The following SGSM2 variants were observed in gnomAD, a reference collection of about 807,000 sequenced individuals.
SGSM2 encodes small G protein signaling modulator 2.
In SGSM2, 89 loss-of-function variants were observed where a neutral mutation model predicts 126.6. The observed-to-expected ratio is 0.70, with a 90% CI of 0.59 to 0.84. SGSM2 has a LOEUF of 0.84. Among genes scored for constraint, SGSM2 ranks in the 40% least tolerant of loss-of-function variants. SGSM2 has a pLI of 0.00. For missense variants in SGSM2, 1,404 were observed against 1,416.6 expected, an observed-to-expected ratio of 0.99 and a Z score of 0.14; for synonymous variants, 614 against 574.3, an observed-to-expected ratio of 1.07 and a Z score of -0.99.
intron 2 of SGSM2, among the ~76,000 whole-genome samples, chr17:2,345,528 G>A (rs1045369023): frequency 8.6e-5 from 13 of 151,080 alleles, no homozygotes; most frequent in Admixed American, 7.3e-4. Context: ...CCCGGGAGGC[G>A]GAGCTTGCAG....
At position 2,375,502 on chromosome 17, in the gene SGSM2, CAG is replaced by C; in HGVS notation, c.2112_2113del (p.Val705GlyfsTer2). 1 of 1,608,650 alleles carries C rather than the reference CAG, an allele frequency of 6.2e-7. No individual in the cohort carries two copies. The highest frequency in any genetic ancestry group is 1.1e-5 in the South Asian group (1 of 90,692). On this transcript the variant is annotated frameshift_variant, in exon 18 of 24. Coordinates refer to ENST00000268989, the MANE Select transcript of SGSM2 (RefSeq NM_014853.3). LOFTEE classifies it high-confidence loss of function. Reference sequence around the variant, plus strand: ...GTGTTCACCCCCCAGGTGTTTATCTCAGTGGATGATCTGGAACCCCCGGAGCC... The same window carrying C: ...GTGTTCACCCCCCAGGTGTTTATCTCTGGATGATCTGGAACCCCCGGAGCC...
intron 2 of SGSM2, among the ~76,000 whole-genome samples, chr17:2,353,061 G>C (rs1268779001): frequency 6.6e-6 from 1 of 152,030 alleles, no homozygotes; most frequent in Non-Finnish European, 1.5e-5. Flanking sequence ...ACAGGCGTGA[G>C]CCACCGCGCC....
In SGSM2 at chr17:2,380,249, T is replaced by G. The variant is rs1567857674; in HGVS notation, c.*729T>G. On this transcript the variant is annotated 3_prime_UTR_variant, in exon 24 of 24. Transcript: ENST00000268989. Reference sequence around the variant, plus strand: ...CAGCCTCGCTCCTGCCACCCCACCCTTGCGTTCTGCATTAGGTACTTCCCT... The same window carrying G: ...CAGCCTCGCTCCTGCCACCCCACCCGTGCGTTCTGCATTAGGTACTTCCCT... 1 of 1,535,906 alleles carries G rather than the reference T, an allele frequency of 6.5e-7. No homozygotes were observed. Among genetic ancestry groups the G allele is most frequent in the Non-Finnish European group, 8.7e-7 (1 of 1,146,828 alleles).
chr17:2,352,803 A>C (rs1348144779), intron 2 of SGSM2, among the ~76,000 whole-genome samples: 1 of 85,752 alleles, frequency 1.2e-5, no homozygotes, highest in African/African-American at 5.0e-5. Flanking sequence ...TTTGAGACGG[A>C]GTCTCGCTCT....
chr17:2,365,918 G>GT (rs2065557916), intron 11 of SGSM2, among the ~76,000 whole-genome samples: 1 of 151,924 alleles, frequency 6.6e-6, no homozygotes, highest in South Asian at 2.1e-4. Flanking sequence ...GCTAATTTTT[G>GT]TATTTTTAGT....
Position 2,363,684 on chromosome 17 carries a change from T to G in SGSM2, c.807+85T>G. ...CCTCTAGCCATGGCTATTCCTTTCC[T>G]GAGGAGCTTGACCAGAGACGGGGGG... On this transcript the variant is annotated intron_variant, in intron 7 of 23. Coordinates refer to ENST00000268989, the MANE Select transcript of SGSM2 (RefSeq NM_014853.3). The surrounding 1 kb of genome is among the most constrained non-coding windows in gnomAD (Gnocchi z 4.2). The G allele has an allele frequency of 6.5e-7, 1 of 1,544,896 alleles. No individual in the cohort carries two copies. The highest frequency in any genetic ancestry group is 1.2e-5 in the South Asian group (1 of 83,134).
chr17:2,371,784 C>T (rs1032008336), intron 13 of SGSM2: 5 of 382,142 alleles, frequency 1.3e-5, no homozygotes, highest in Non-Finnish European at 2.4e-5. Context: ...GACAGGCCGT[C>T]CACCTGAGGA....
Position 2,367,311 on chromosome 17 carries a change from C to T in SGSM2, c.1329C>T (p.Ala443=), listed in dbSNP as rs752181681. 36 of 1,614,044 alleles carry T rather than the reference C, an allele frequency of 2.2e-5. No individual in the cohort carries two copies. Among genetic ancestry groups the T allele is most frequent in the Non-Finnish European group, 3.1e-5 (36 of 1,180,030 alleles). Residue 443 remains alanine, a synonymous_variant, in exon 12 of 24, where the codon GCC becomes GCT. Transcript: ENST00000268989. This position sits in a 1 kb window ranked among gnomAD's most constrained non-coding sequence, Gnocchi z 4.0. ...ACCACCTAGCGGCCAGCCGCGCGGC[C>T]TCGGTGGACGATGATGAGGAAGAGG... ...NYHHLAASRA[A]SVDDDEEEED... is the part of the protein sequence containing the mutation.
In SGSM2 at chr17:2,372,431, G is replaced by A. The variant is rs549394212; in HGVS notation, c.1731G>A (p.Pro577=). The change falls in exon 15 of 24, where the codon CCG becomes CCA. Residue 577 remains proline (P), a synonymous_variant. Transcript: ENST00000268989. The surrounding 1 kb of genome is among the most constrained non-coding windows in gnomAD (Gnocchi z 6.0). ...GCGTTATCCCACCTGACCGGCCCCC[G>A]GGGGCCTCCGCGGGCCTCACCAAGG... The part of the protein sequence containing the change: ...HHSVIPPDRP[P]GASAGLTKDV... 4.7e-5 allele frequency: 75 copies of A among 1,599,762 alleles called. No homozygotes were observed. The African/African-American group carries it at 5.8e-4, about 12-fold the overall frequency.
chr17:2,379,976 G>A lies in SGSM2; in HGVS notation c.*456G>A, dbSNP rs564757170. The A allele has an allele frequency of 3.5e-5, 48 of 1,373,450 alleles. No individual in the cohort carries two copies. The highest frequency in any genetic ancestry group is 1.3e-4 in the Admixed American group (4 of 30,660). The allele number at this position is 1,373,450 out of a possible 1,614,324, so 85.1% of individuals were successfully genotyped here. On this transcript the variant is annotated 3_prime_UTR_variant, in exon 24 of 24. Transcript: ENST00000268989. The stretch of plus-strand genomic sequence containing the variant: ...TCCCTTTGCAGTCCCAGTATATTGT[G>A]CGTGCACCAGCCCCAGCTGGAGCAA...
In SGSM2 at chr17:2,379,122, G is replaced by A. The variant is rs1324085372; in HGVS notation, c.2986G>A (p.Ala996Thr). 18 of 1,614,170 alleles carry A rather than the reference G, an allele frequency of 1.1e-5. No homozygotes were observed. The highest frequency in any genetic ancestry group is 1.4e-5 in the Non-Finnish European group (17 of 1,180,024). Reference sequence around the variant, plus strand: ...ATCGGAGCACTTTGTCCTGTTCATCGCCCTCGCCCTGGTGGAGGCCTACCG... The same window carrying A: ...ATCGGAGCACTTTGTCCTGTTCATCACCCTCGCCCTGGTGGAGGCCTACCG... ...ISSEHFVLFI[A>T]LALVEAYREI... Residue 996 changes from alanine to threonine, a missense_variant, in exon 23 of 24, where the codon GCC (alanine) becomes ACC (threonine). Ala to Thr is a moderately conservative substitution (Grantham distance 58, BLOSUM62 0). Transcript: ENST00000268989.
chr17:2,364,832 A>G (rs2151578004), intron 9 of SGSM2, 65 bp from the exon 10 acceptor site: 1 of 1,584,632 alleles, frequency 6.3e-7, no homozygotes, highest in Non-Finnish European at 8.6e-7. Context: ...GCCTGGGGGC[A>G]CTGGCCAGCA....
chr17:2,380,568 A>G lies in SGSM2; in HGVS notation c.*1048A>G. On this transcript the variant is annotated 3_prime_UTR_variant, in exon 24 of 24. Transcript: ENST00000268989. ...AGGATGCCAAGAGGCCTAGGAACCC[A>G]GAAACCCCCTTGGAGGAGCTGTGTA... The G allele has an allele frequency of 3.7e-6, 2 of 545,130 alleles. No individual in the cohort carries two copies. The highest frequency in any genetic ancestry group is 6.6e-6 in the Non-Finnish European group (2 of 302,668). The allele number at this position is 545,130 out of a possible 1,614,324, so 33.8% of individuals were successfully genotyped here. A position where few individuals can be genotyped will look rare whatever the true frequency, so the allele number is the denominator to read the frequency against.
chr17:2,375,680 C>T lies in SGSM2; in HGVS notation c.2289C>T (p.Gly763=), dbSNP rs1224199139. 8.7e-6 allele frequency: 14 copies of T among 1,613,928 alleles called. No individual in the cohort carries two copies. Among genetic ancestry groups the T allele is most frequent in the Non-Finnish European group, 1.2e-5 (14 of 1,179,930 alleles). The part of the protein sequence containing the change: ...PSSRNYSVAS[G]IQSSLDEGQS... ...CTCGCAATTACTCCGTGGCCTCGGG[C>T]ATCCAGTCAAGCCTAGATGAGGGGC... Residue 763 remains glycine, a synonymous_variant, in exon 18 of 24, where the codon GGC becomes GGT. Transcript: ENST00000268989.
Position 2,337,582 on chromosome 17 carries a change from G to A in SGSM2, c.-107G>A. ...GGCGGCGGCGGCGGGCCGGGAGCGC[G>A]GCGGGCGGGGGCTCCGCCTTGCGCG... On this transcript the variant is annotated 5_prime_UTR_variant, in exon 1 of 24. Coordinates refer to ENST00000268989, the MANE Select transcript of SGSM2 (RefSeq NM_014853.3). This position sits in a 1 kb window ranked among gnomAD's most constrained non-coding sequence, Gnocchi z 5.1. 5 of 692,904 alleles carry A rather than the reference G, an allele frequency of 7.2e-6. No homozygotes were observed. Among genetic ancestry groups the A allele is most frequent in the Non-Finnish European group, 9.3e-6 (5 of 539,500 alleles). 42.9% of individuals were successfully genotyped at this position (692,904 alleles called of 1,614,324 possible).
intron 2 of SGSM2, among the ~76,000 whole-genome samples, chr17:2,344,339 G>C (rs1412380421): frequency 6.6e-6 from 1 of 152,208 alleles, no homozygotes; most frequent in African/African-American, 2.4e-5. Context: ...AGGAATTTCA[G>C]CTTCCTCTCA....
chr17:2,379,925 G>T lies in SGSM2; in HGVS notation c.*405G>T, dbSNP rs768375647. ...CAGCTGGGGTGGCAGAGGGCGAGAG[G>T]CTCTGTGCTGTGTCCCTTCTGAGGG... On this transcript the variant is annotated 3_prime_UTR_variant, in exon 24 of 24. Coordinates refer to ENST00000268989, the MANE Select transcript of SGSM2 (RefSeq NM_014853.3). 7 of 1,315,980 alleles carry T rather than the reference G, an allele frequency of 5.3e-6. No homozygotes were observed. In the South Asian group the frequency reaches 1.4e-4, roughly 26 times the overall value. 81.5% of individuals were successfully genotyped at this position (1,315,980 alleles called of 1,614,324 possible).
chr17:2,375,125 C>A, intron 17 of SGSM2: 1 of 196,212 alleles, frequency 5.1e-6, no homozygotes, highest in Non-Finnish European at 1.0e-5. Flanking sequence ...CACACCAAAA[C>A]ACTAAGGCCA....
chr17:2,353,776 AGC>A (rs2064973903), intron 2 of SGSM2, among the ~76,000 whole-genome samples: 3 of 150,520 alleles, frequency 2.0e-5, no homozygotes, highest in Admixed American at 1.3e-4. Flanking sequence ...TAAAAAAAAA[AGC>A]GTGCAGTGAA....
Sources: gnomAD v4.1 joint callset for allele counts (sites outside exome capture counted in the v4.1 genomes callset) on GRCh38, gnomAD v4.1.1 for gene constraint, Gnocchi (gnomAD v3.1) non-coding constraint, MANE v1.5 for transcripts, NCBI Gene and HGNC (gene_info 2026-07-23, HGNC 2026-07-21) for gene names.